Variants in KLHL22 observed in about 807,000 individuals in gnomAD.
The protein encoded by KLHL22 is kelch-like protein 22.
Under a neutral mutation model 60.7 loss-of-function variants are expected in KLHL22, and 18 were observed. That is an observed-to-expected ratio of 0.30 (90% CI 0.20 to 0.44). The LOEUF (loss-of-function observed/expected upper bound fraction) is 0.44, where lower values mean the gene tolerates loss of function less well. Among genes scored for constraint, KLHL22 ranks in the 20% least tolerant of loss-of-function variants. KLHL22 has a pLI of 1.00. For missense variants in KLHL22, 596 were observed against 852.3 expected (o/e 0.70, Z 3.74); for synonymous variants, 355 against 354.5 (o/e 1.00, Z -0.01).
At chr22:20,482,013 C>T (rs189559459) in intron 2 of KLHL22, 1 of 152,268 alleles carries the variant, frequency 6.6e-6, no homozygotes, top group East Asian at 1.9e-4. Context: ...GGAGTTTTGA[C>T]CTGGTCCATT....
At chr22:20,442,543 A>T in intron 6 of KLHL22, 105 bp from the exon 7 acceptor site, 1 of 1,369,178 alleles carries the variant, frequency 7.3e-7, no homozygotes, top group Non-Finnish European at 9.7e-7. Context: ...CACCATTCTG[A>T]CAGGTCAGGC....
chr22:20,455,123 C>G (rs2053042459), intron 5 of KLHL22, among the ~76,000 whole-genome samples: 1 of 152,038 alleles, frequency 6.6e-6, no homozygotes, highest in Admixed American at 6.6e-5. Context: ...CTCAGGTGAT[C>G]CCCCCCGCCT....
chr22:20,446,265 G>A (rs1038862024), intron 6 of KLHL22, among the ~76,000 whole-genome samples, 178 bp downstream of exon 6: 3 of 152,148 alleles, frequency 2.0e-5, no homozygotes, highest in South Asian at 4.1e-4. Flanking sequence ...ATATGTGTAT[G>A]GGGGGAAAAG....
intron 6 of KLHL22, among the ~76,000 whole-genome samples, 153 bp from the exon 7 acceptor site, chr22:20,442,591 C>T (rs1206298154): frequency 6.6e-6 from 1 of 152,252 alleles, no homozygotes; most frequent in East Asian, 1.9e-4. Flanking sequence ...GTTGAAACAT[C>T]CTGTCCATGG....
chr22:20,467,509 C>T (rs920791824), intron 3 of KLHL22, among the ~76,000 whole-genome samples: 10 of 152,314 alleles, frequency 6.6e-5, no homozygotes, highest in Admixed American at 3.9e-4. Context: ...GCTGTGGGGT[C>T]CCCTCTTGTG....
chr22:20,475,521 G>T (rs1394482959), intron 2 of KLHL22, among the ~76,000 whole-genome samples: 2 of 149,714 alleles, frequency 1.3e-5, no homozygotes, highest in Non-Finnish European at 3.0e-5. Flanking sequence ...GTCCAACTTT[G>T]TTTTTCTAGA....
In KLHL22 at chr22:20,446,555, A is replaced by T. The variant is rs1173363091; in HGVS notation, c.1427T>A (p.Leu476Gln). ...GGCGCGCCGCACAGGCCCATCAGCC[A>T]GTGTGTGCCAAGTGTTGCTGCCTGG... Reference protein sequence around the residue: ...YDPGSNTWHTLADGPVRRAWH... With the variant: ...YDPGSNTWHTQADGPVRRAWH... Residue 476 changes from leucine (L) to glutamine (Q), a missense_variant, in exon 6 of 7, where the codon CTG (leucine) becomes CAG (glutamine). Transcript: ENST00000328879. The T allele has an allele frequency of 1.5e-5, 25 of 1,613,862 alleles. No homozygotes were observed. The East Asian group carries it at 5.3e-4, about 35-fold the overall frequency.
intron 3 of KLHL22, among the ~76,000 whole-genome samples, chr22:20,470,622 C>T (rs1168783346): frequency 2.0e-5 from 3 of 152,178 alleles, no homozygotes; most frequent in African/African-American, 4.8e-5. Context: ...GCACTCCAGC[C>T]TGGGCAAGAG....
At chr22:20,446,395 G>C in intron 6 of KLHL22, 48 bp downstream of exon 6, 1 of 1,045,452 alleles carries the variant, frequency 9.6e-7, no homozygotes, top group Non-Finnish European at 1.5e-6. Context: ...TAACAACTGA[G>C]AGGCTTGGGA....
At position 20,465,425 on chromosome 22, in the gene KLHL22, A is replaced by G; in HGVS notation, c.545T>C (p.Phe182Ser). Residue 182 changes from phenylalanine to serine, a missense_variant, in exon 4 of 7, where the codon TTC becomes TCC. Physicochemically the swap from Phe to Ser is radical, Grantham distance 155. Transcript: ENST00000328879. The surrounding 1 kb of genome is among the most constrained non-coding windows in gnomAD (Gnocchi z 4.9). ...DTYILKNFVA[F>S]SRTDKYRQLP... The stretch of plus-strand genomic sequence containing the variant: ...CTGGCGGTACTTGTCAGTCCGAGAG[A>G]AGGCCACAAAGTTTTTGAGGATATA... 1 of 1,614,172 alleles carries G rather than the reference A, an allele frequency of 6.2e-7. No homozygotes were observed. The highest frequency in any genetic ancestry group is 8.5e-7 in the Non-Finnish European group (1 of 1,180,020).
At chr22:20,482,642 G>A (rs554456543) in intron 2 of KLHL22, among the ~76,000 whole-genome samples, 29 of 151,920 alleles carry the variant, frequency 1.9e-4, no homozygotes, top group South Asian at 8.3e-4. Context: ...GTGCGATCTC[G>A]GCTCACTGCA....
rs1188756595 is a variant in KLHL22, at chr22:20,495,419, G to A, written c.-34+341C>T. On this transcript the variant is annotated intron_variant, in intron 1 of 6. Transcript: ENST00000328879. The surrounding 1 kb of genome is among the most constrained non-coding windows in gnomAD (Gnocchi z 4.6). ...CAGCGCGGAGGGTCGCGGCCAGGAA[G>A]GCCGCATTCGGACCTGCCGCAGGCA... is the stretch of plus-strand genomic sequence containing the variant. Among the ~76,000 whole-genome samples, 11 of 151,958 alleles carry A rather than the reference G, an allele frequency of 7.2e-5. No individual in the cohort carries two copies. Among genetic ancestry groups the A allele is most frequent in the Admixed American group, 7.2e-4 (11 of 15,272 alleles).
Position 20,465,133 on chromosome 22 carries a change from G to A in KLHL22, c.837C>T (p.Asn279=), listed in dbSNP as rs377438938. 23 of 1,613,838 alleles carry A rather than the reference G, an allele frequency of 1.4e-5. No individual in the cohort carries two copies. Among genetic ancestry groups the A allele is most frequent in the South Asian group, 4.4e-5 (4 of 91,088 alleles). ...TCTGCAGGCTGGGCTGTAGGCTCTC[G>A]TTCCGGTGGTACATGAGGGCGCTGG... The part of the protein sequence containing the change: ...TVASALMYHR[N]ESLQPSLQSP... Residue 279 remains asparagine, a synonymous_variant, in exon 4 of 7, where the codon AAC becomes AAT. Transcript: ENST00000328879. The surrounding 1 kb of genome is among the most constrained non-coding windows in gnomAD (Gnocchi z 4.9).
At position 20,465,785 on chromosome 22, in the gene KLHL22, G is replaced by A. The variant is rs1012208070; in HGVS notation, c.394-209C>T. Among the ~76,000 whole-genome samples, 7 of 152,148 alleles carry A rather than the reference G, an allele frequency of 4.6e-5. No homozygotes were observed. The South Asian group carries it at 8.3e-4, about 18-fold the overall frequency. ...GTCCTGGTTTGGAAACATACTGGGT[G>A]ACAGGATATACAGCATGTTTTTTTT... On this transcript the variant is annotated intron_variant, in intron 3 of 6. Coordinates refer to ENST00000328879, the MANE Select transcript of KLHL22 (RefSeq NM_032775.4). This position sits in a 1 kb window ranked among gnomAD's most constrained non-coding sequence, Gnocchi z 4.9.
At position 20,453,986 on chromosome 22, in the gene KLHL22, C is replaced by T. The variant is rs13057998; in HGVS notation, c.1305+3822G>A. Among the ~76,000 whole-genome samples, 17 of 152,248 alleles carry T rather than the reference C, an allele frequency of 1.1e-4. 1 individual carries two copies. The South Asian group carries it at 1.4e-3, about 13-fold the overall frequency. On this transcript the variant is annotated intron_variant, in intron 5 of 6. Transcript: ENST00000328879. Reference sequence around the variant, plus strand: ...CTGACCTCAAGCGATACACCATCCTCGGCCTCCCAAAGTGCTGGGATTACA... The same window carrying T: ...CTGACCTCAAGCGATACACCATCCTTGGCCTCCCAAAGTGCTGGGATTACA...
At chr22:20,453,118 C>T (rs1474371317) in intron 5 of KLHL22, among the ~76,000 whole-genome samples, 9 of 152,038 alleles carry the variant, frequency 5.9e-5, no homozygotes, top group Non-Finnish European at 2.9e-5. Flanking sequence ...AATGTGATAA[C>T]CTAAACAACC....
At chr22:20,483,014 GCGT>G (rs1019315794) in intron 2 of KLHL22, 1 of 687,924 alleles carries the variant, frequency 1.5e-6, no homozygotes, top group African/African-American at 1.7e-5. Flanking sequence ...GTTCACCAGG[GCGT>G]CCTACTCCTA....
Position 20,492,615 on chromosome 22 carries a change from A to T in KLHL22, c.-34+3145T>A, listed in dbSNP as rs181306687. 4.7e-5 allele frequency among the ~76,000 whole-genome samples: 7 copies of T among 148,728 alleles called. No individual in the cohort carries two copies. The East Asian group carries it at 1.2e-3, about 25-fold the overall frequency. On this transcript the variant is annotated intron_variant, in intron 1 of 6. Transcript: ENST00000328879. Reference sequence around the variant, plus strand: ...TGCCCTTTTTTTTTTTTTTAGACGGAGTCTCGCTCTGTCACCCAGGCTAGA... The same window carrying T: ...TGCCCTTTTTTTTTTTTTTAGACGGTGTCTCGCTCTGTCACCCAGGCTAGA...
At chr22:20,487,296 C>T (rs978930379) in intron 2 of KLHL22, among the ~76,000 whole-genome samples, 11 of 152,136 alleles carry the variant, frequency 7.2e-5, no homozygotes, top group African/African-American at 2.7e-4. Flanking sequence ...CGGCTCACTG[C>T]AACCTCCGCA....
Sources: allele counts gnomAD v4.1 joint callset (sites outside exome capture counted in the v4.1 genomes callset), GRCh38; gene constraint gnomAD v4.1.1; non-coding constraint Gnocchi (gnomAD v3.1); transcripts MANE v1.5; gene names NCBI Gene and HGNC (gene_info 2026-07-23, HGNC 2026-07-21).